PTPRC: variants seen among roughly 807,000 people sequenced by gnomAD.
PTPRC encodes the protein receptor-type tyrosine-protein phosphatase C.
Under a neutral mutation model 155.9 loss-of-function variants are expected in PTPRC, and 44 were observed. The observed-to-expected ratio is 0.28, with a 90% CI of 0.22 to 0.36. PTPRC has a LOEUF of 0.36. Ranked by LOEUF, PTPRC falls within the 10% of genes least tolerant of loss-of-function variation. The pLI is 1.00. For synonymous variants in PTPRC, 525 were observed against 533.1 expected (o/e 0.98, Z 0.21); for missense variants, 1,401 against 1,564.6 (o/e 0.90, Z 1.76).
intron 14 of PTPRC, among the ~76,000 whole-genome samples, chr1:198,720,197 T>A (rs969125984): frequency 4.6e-5 from 7 of 152,172 alleles, no homozygotes; most frequent in Non-Finnish European, 1.0e-4. Context: ...GATCATTCAG[T>A]GAGTAGAGAC....
In PTPRC at chr1:198,642,839, G is replaced by T. The variant is rs148496423; in HGVS notation, c.73+3498G>T. ...CTAATCTTTTTTGCCAGAGAAACTG[G>T]TTCCACTAATGATCTGGGGGCTAGG... On this transcript the variant is annotated intron_variant, in intron 2 of 32. Transcript: ENST00000442510. 1.9e-3 allele frequency among the ~76,000 whole-genome samples: 284 copies of T among 151,818 alleles called. 1 individual carries two copies. The highest frequency in any genetic ancestry group is 6.4e-3 in the African/African-American group (265 of 41,438).
In PTPRC at chr1:198,717,928, T is replaced by C. The variant is rs547873835; in HGVS notation, c.1451-166T>C. On this transcript the variant is annotated intron_variant, in intron 13 of 32. Coordinates refer to ENST00000442510, the MANE Select transcript of PTPRC (RefSeq NM_002838.5). ...TACTGAATAAATGAGTGATTTATTC[T>C]TCAGGGTTTTGATATTGTTTTTTAA... Among the ~76,000 whole-genome samples, 38 of 152,338 alleles carry C rather than the reference T, an allele frequency of 2.5e-4. No individual in the cohort carries two copies. The South Asian group carries it at 7.0e-3, about 28-fold the overall frequency.
At chr1:198,708,763 G>A (rs1048011410) in intron 10 of PTPRC, among the ~76,000 whole-genome samples, 1 of 152,126 alleles carries the variant, frequency 6.6e-6, no homozygotes, top group Non-Finnish European at 1.5e-5. Flanking sequence ...GTGCATCTAG[G>A]GATATGTTTG....
At chr1:198,657,029 T>A (rs75962723) in intron 2 of PTPRC, among the ~76,000 whole-genome samples, 3 of 150,842 alleles carry the variant, frequency 2.0e-5, no homozygotes, top group Admixed American at 6.6e-5. Flanking sequence ...GTTTTTTTTT[T>A]AATACATATA....
At chr1:198,681,677 C>T (rs1665338480) in intron 2 of PTPRC, among the ~76,000 whole-genome samples, 1 of 151,946 alleles carries the variant, frequency 6.6e-6, no homozygotes, top group Non-Finnish European at 1.5e-5. Context: ...AGTTGCTGGC[C>T]AAATCAATGG....
At chr1:198,713,730 C>G (rs367842614) in intron 12 of PTPRC, among the ~76,000 whole-genome samples, 46 of 152,256 alleles carry the variant, frequency 3.0e-4, no homozygotes, top group African/African-American at 1.0e-3. Context: ...AAAGTAACAT[C>G]AGTGGAGTAT....
At chr1:198,732,924 C>G (rs1654460873) in intron 20 of PTPRC, among the ~76,000 whole-genome samples, 2 of 151,828 alleles carry the variant, frequency 1.3e-5, no homozygotes, top group South Asian at 4.1e-4. Flanking sequence ...AGTTAATTAC[C>G]TTGTTGTTGT....
intron 3 of PTPRC, chr1:198,694,611 A>G: frequency 1.0e-6 from 1 of 986,054 alleles, no homozygotes. Context: ...AAGCAGGCAG[A>G]CACCAGAATT....
At chr1:198,752,126 C>G in intron 29 of PTPRC, 123 bp from the exon 30 acceptor site, 3 of 1,164,304 alleles carry the variant, frequency 2.6e-6, no homozygotes, top group Admixed American at 3.9e-5. Context: ...AATTTTAGAA[C>G]ACAATAATTT....
chr1:198,639,115 G>A lies in PTPRC; in HGVS notation c.-66G>A, dbSNP rs766036619. On this transcript the variant is annotated 5_prime_UTR_variant, in exon 1 of 33. Coordinates refer to ENST00000442510, the MANE Select transcript of PTPRC (RefSeq NM_002838.5). ...GTAACAGAGGAGGAAATTGTTCCTC[G>A]TCTGATAAGACAACAGTGGAGAGTA... The A allele has an allele frequency of 6.9e-4, 466 of 677,406 alleles. 4 individuals are homozygous for A. Among genetic ancestry groups the A allele is most frequent in the Non-Finnish European group, 2.1e-4 (80 of 376,198 alleles). The allele number at this position is 677,406 out of a possible 1,614,324, so 42.0% of individuals were successfully genotyped here.
At chr1:198,746,687 AC>A (rs893538684) in intron 26 of PTPRC, among the ~76,000 whole-genome samples, 2 of 151,808 alleles carry the variant, frequency 1.3e-5, no homozygotes, top group African/African-American at 4.8e-5. Context: ...GGCAAGTGAA[AC>A]AGGTAGAGAT....
chr1:198,652,856 G>T (rs777380096), intron 2 of PTPRC, among the ~76,000 whole-genome samples: 1 of 151,818 alleles, frequency 6.6e-6, no homozygotes, highest in African/African-American at 2.4e-5. Flanking sequence ...AAAAGATGGT[G>T]TTATGTCAAG....
Position 198,756,085 on chromosome 1 carries a change from G to C in PTPRC, c.3825G>C (p.Lys1275Asn), listed in dbSNP as rs1319307238. ...LGAPEKLPEA[K>N]EQAEGSEPTS... ...CCCCAGAAAAGCTCCCTGAAGCAAA[G>C]GAACAGGCTGAAGGTTCTGAACCCA... is the stretch of plus-strand genomic sequence containing the variant. The change falls in exon 33 of 33, where the codon AAG becomes AAC. Residue 1275 changes from lysine to asparagine, a missense_variant. Physicochemically the swap from Lys to Asn is moderately conservative, Grantham distance 94. Transcript: ENST00000442510. 2 of 1,613,466 alleles carry C rather than the reference G, an allele frequency of 1.2e-6. No individual in the cohort carries two copies. Among genetic ancestry groups the C allele is most frequent in the Non-Finnish European group, 1.7e-6 (2 of 1,179,680 alleles).
chr1:198,668,859 A>G (rs531661462), intron 2 of PTPRC, among the ~76,000 whole-genome samples: 13 of 152,148 alleles, frequency 8.5e-5, no homozygotes, highest in Middle Eastern at 3.2e-3. Context: ...AAATTAAGAG[A>G]GCATAAGAAA....
At chr1:198,666,580 G>A (rs1276878899) in intron 2 of PTPRC, among the ~76,000 whole-genome samples, 1 of 152,168 alleles carries the variant, frequency 6.6e-6, no homozygotes, top group Non-Finnish European at 1.5e-5. Flanking sequence ...TATAACAGCA[G>A]CCTTCAAATA....
intron 2 of PTPRC, among the ~76,000 whole-genome samples, chr1:198,642,850 G>A (rs1662671395): frequency 6.6e-6 from 1 of 151,560 alleles, no homozygotes; most frequent in Non-Finnish European, 1.5e-5. Context: ...TTCCACTAAT[G>A]ATCTGGGGGC....
At chr1:198,717,622 T>C (rs1653656730) in intron 13 of PTPRC, among the ~76,000 whole-genome samples, 1 of 152,238 alleles carries the variant, frequency 6.6e-6, no homozygotes, top group Non-Finnish European at 1.5e-5. Flanking sequence ...GTTGTTTTCC[T>C]GAGTTTCTGT....
At chr1:198,712,192 A>C (rs1033635193) in intron 11 of PTPRC, among the ~76,000 whole-genome samples, 8 of 152,260 alleles carry the variant, frequency 5.3e-5, no homozygotes, top group African/African-American at 1.9e-4. Context: ...TAAGTGAATG[A>C]ATCTTCAGAA....
intron 23 of PTPRC, among the ~76,000 whole-genome samples, chr1:198,735,928 G>A (rs1367206197): frequency 2.6e-5 from 4 of 151,538 alleles, no homozygotes; most frequent in Admixed American, 6.6e-5. Flanking sequence ...ATTAGATATT[G>A]GTGATGGTTG....
Sources: allele counts gnomAD v4.1 joint callset (sites outside exome capture counted in the v4.1 genomes callset), GRCh38; gene constraint gnomAD v4.1.1; transcripts MANE v1.5; gene names NCBI Gene and HGNC (gene_info 2026-07-23, HGNC 2026-07-21).